Variants in PDE1A observed in about 807,000 individuals in gnomAD.
PDE1A encodes dual specificity calcium/calmodulin-dependent 3',5'-cyclic nucleotide phosphodiesterase 1A.
Under a neutral mutation model 61.7 loss-of-function variants are expected in PDE1A, and 35 were observed. That is an observed-to-expected ratio of 0.57 (90% CI 0.43 to 0.75). The LOEUF (loss-of-function observed/expected upper bound fraction) is 0.75. PDE1A is among the 30% of genes least tolerant of loss of function. PDE1A has a pLI of 0.00. For missense variants in PDE1A, 597 were observed against 630.6 expected, an observed-to-expected ratio of 0.95 and a Z score of 0.57; for synonymous variants, 232 against 213.2, an observed-to-expected ratio of 1.09 and a Z score of -0.77.
intron 2 of PDE1A, among the ~76,000 whole-genome samples, chr2:182,488,090 T>G (rs1363772492): frequency 6.6e-6 from 1 of 152,204 alleles, no homozygotes; most frequent in Non-Finnish European, 1.5e-5. Flanking sequence ...AATTTTGGAT[T>G]TACATAATGT....
At chr2:182,514,655 T>C (rs1197314723) in intron 2 of PDE1A, among the ~76,000 whole-genome samples, 1 of 152,142 alleles carries the variant, frequency 6.6e-6, no homozygotes, top group Non-Finnish European at 1.5e-5. Flanking sequence ...TTTCACCATA[T>C]ACAAAAATCA....
chr2:182,228,167 T>A (rs1689287414), intron 6 of PDE1A, among the ~76,000 whole-genome samples: 2 of 152,212 alleles, frequency 1.3e-5, no homozygotes, highest in South Asian at 4.1e-4. Context: ...ACTACAAATG[T>A]ATCAAGTGAC....
At position 182,342,499 on chromosome 2, in the gene PDE1A, C is replaced by T. The variant is rs765208704; in HGVS notation, c.54-78085G>A. On this transcript the variant is annotated intron_variant, in intron 1 of 13. Coordinates refer to ENST00000351439, the Ensembl canonical transcript of PDE1A. ...GAGATGGAGACCATCCTGGCTAACA[C>T]GGTGAAACCTCATCTCTACTAAAAA... Among the ~76,000 whole-genome samples, 357 of 152,184 alleles carry T rather than the reference C, an allele frequency of 2.3e-3. 7 individuals are homozygous for T. The highest frequency in any genetic ancestry group is 1.2e-3 in the South Asian group (6 of 4,814).
the PDE1A span, among the ~76,000 whole-genome samples, chr2:182,607,394 G>T: frequency 6.6e-6 from 1 of 152,172 alleles, no homozygotes; most frequent in African/African-American, 2.4e-5. Context: ...TTGAGGAATA[G>T]CACTTTAAGT....
chr2:182,185,407 G>T (rs1399966722), intron 13 of PDE1A, among the ~76,000 whole-genome samples: 1 of 152,182 alleles, frequency 6.6e-6, no homozygotes, highest in East Asian at 1.9e-4. Context: ...TGCGATTGCT[G>T]TGGTGGTTGA....
At chr2:182,328,154 A>G (rs1697168502) in intron 1 of PDE1A, among the ~76,000 whole-genome samples, 3 of 152,232 alleles carry the variant, frequency 2.0e-5, no homozygotes, top group African/African-American at 7.2e-5. Flanking sequence ...GACAGGGCAG[A>G]GACCAAGAAG....
intron 1 of PDE1A, among the ~76,000 whole-genome samples, chr2:182,342,511 A>G (rs371903836): frequency 4.3e-4 from 65 of 152,216 alleles, no homozygotes; most frequent in Middle Eastern, 3.4e-3. Context: ...GTGAAACCTC[A>G]TCTCTACTAA....
chr2:182,339,104 A>G (rs1179266551), intron 1 of PDE1A, among the ~76,000 whole-genome samples: 1 of 152,190 alleles, frequency 6.6e-6, no homozygotes, highest in Non-Finnish European at 1.5e-5. Flanking sequence ...ACCTCAAGGC[A>G]TATTTCCTCT....
At chr2:182,294,017 T>G (rs1045714194) in intron 1 of PDE1A, among the ~76,000 whole-genome samples, 1 of 152,224 alleles carries the variant, frequency 6.6e-6, no homozygotes. Flanking sequence ...GATGGGTAAG[T>G]AGCATATATA....
At chr2:182,499,077 T>C (rs1688917249) in intron 2 of PDE1A, among the ~76,000 whole-genome samples, 1 of 151,194 alleles carries the variant, frequency 6.6e-6, no homozygotes, top group Admixed American at 6.6e-5. Flanking sequence ...AACCTCCGCC[T>C]CCTGTGTTCA....
chr2:182,199,137 AT>A (rs1333933617), intron 10 of PDE1A, among the ~76,000 whole-genome samples: 5 of 151,958 alleles, frequency 3.3e-5, no homozygotes, highest in Non-Finnish European at 1.5e-5. Context: ...ATTGGCATAA[AT>A]TGTGCATAAT....
chr2:182,467,087 G>C (rs1380015819), intron 2 of PDE1A, among the ~76,000 whole-genome samples: 1 of 149,484 alleles, frequency 6.7e-6, no homozygotes, highest in Non-Finnish European at 1.5e-5. Context: ...AGGGATAAAG[G>C]AAAAGAAAAG....
chr2:182,455,687 C>G (rs1325607865), intron 2 of PDE1A, among the ~76,000 whole-genome samples: 1 of 151,894 alleles, frequency 6.6e-6, no homozygotes, highest in African/African-American at 2.4e-5. Context: ...TGTTCTCACT[C>G]ATAGGTGGGA....
At chr2:182,301,531 C>T in intron 1 of PDE1A, among the ~76,000 whole-genome samples, 1 of 152,224 alleles carries the variant, frequency 6.6e-6, no homozygotes, top group East Asian at 1.9e-4. Flanking sequence ...TGCAGGGGTG[C>T]TTTTACAAGG....
downstream of PDE1A, among the ~76,000 whole-genome samples, chr2:182,144,361 A>G (rs956491309): frequency 2.6e-5 from 4 of 152,246 alleles, no homozygotes; most frequent in African/African-American, 9.6e-5. Flanking sequence ...ATATCCAACC[A>G]TTCCATTTTA....
chr2:182,179,492 G>A (rs1684562032), intron 13 of PDE1A, among the ~76,000 whole-genome samples: 1 of 152,096 alleles, frequency 6.6e-6, no homozygotes, highest in Non-Finnish European at 1.5e-5. Flanking sequence ...AAAAAAGAAT[G>A]ATTATCACAA....
intron 10 of PDE1A, among the ~76,000 whole-genome samples, chr2:182,195,004 C>T (rs1451809008): frequency 6.6e-6 from 1 of 151,668 alleles, no homozygotes; most frequent in African/African-American, 2.4e-5. Context: ...AATTTCTATC[C>T]AGGCTCTAAT....
chr2:182,706,702 T>C, the PDE1A span, among the ~76,000 whole-genome samples: 1 of 152,136 alleles, frequency 6.6e-6, no homozygotes, highest in South Asian at 2.1e-4. Flanking sequence ...AAACAAATCA[T>C]GGTTCCACAG....
At chr2:182,501,768 T>C (rs749000280) in intron 2 of PDE1A, among the ~76,000 whole-genome samples, 1 of 152,192 alleles carries the variant, frequency 6.6e-6, no homozygotes, top group Non-Finnish European at 1.5e-5. Context: ...CTTCCTCCCA[T>C]GTCCTCATTT....
Sources: allele counts gnomAD v4.1 joint callset (sites outside exome capture counted in the v4.1 genomes callset), GRCh38; gene constraint gnomAD v4.1.1; transcripts MANE v1.5; gene names NCBI Gene and HGNC (gene_info 2026-07-23, HGNC 2026-07-21).